TPD52: variants seen among roughly 807,000 people sequenced by gnomAD.
TPD52 encodes tumor protein D52, also known as prostate and colon associated protein.
A neutral mutation model predicts 31.3 loss-of-function variants in TPD52; 17 were observed. The observed-to-expected ratio is 0.54, with a 90% CI of 0.37 to 0.82. The LOEUF (loss-of-function observed/expected upper bound fraction) is 0.82. TPD52 is among the 40% of genes least tolerant of loss of function. The probability of loss-of-function intolerance (pLI) is 0.00; values close to 1 mark genes in which losing one functional copy is unlikely to be tolerated. For synonymous variants in TPD52, 83 were observed against 89.6 expected, an observed-to-expected ratio of 0.93 and a Z score of 0.42; for missense variants, 212 against 240.1, an observed-to-expected ratio of 0.88 and a Z score of 0.77.
intron 1 of TPD52, among the ~76,000 whole-genome samples, chr8:80,136,779 C>T (rs1030697413): frequency 6.6e-6 from 1 of 152,162 alleles, no homozygotes; most frequent in Non-Finnish European, 1.5e-5. Flanking sequence ...TCCCCCTTCA[C>T]CCCAATCATG....
chr8:80,090,011 A>G (rs999852075), intron 1 of TPD52, among the ~76,000 whole-genome samples: 8 of 152,230 alleles, frequency 5.3e-5, no homozygotes, highest in African/African-American at 1.9e-4. Flanking sequence ...CTGAAGTTTT[A>G]GTGAGAGTGA....
chr8:80,079,770 T>G (rs1199478307), intron 1 of TPD52, among the ~76,000 whole-genome samples: 1 of 151,846 alleles, frequency 6.6e-6, no homozygotes, highest in Non-Finnish European at 1.5e-5. Context: ...CTCATACTGG[T>G]AAGTATGAAG....
chr8:80,128,876 C>T (rs541889621), intron 1 of TPD52, among the ~76,000 whole-genome samples: 1 of 151,018 alleles, frequency 6.6e-6, no homozygotes, highest in African/African-American at 2.4e-5. Context: ...ATCATTTTTA[C>T]ATCTGGGTTT....
chr8:80,063,183 A>G (rs1812727952), intron 2 of TPD52, among the ~76,000 whole-genome samples: 1 of 152,252 alleles, frequency 6.6e-6, no homozygotes, highest in Non-Finnish European at 1.5e-5. Flanking sequence ...TAAACAAAAT[A>G]CAATAGATAC....
At chr8:80,138,225 G>C (rs1809575817) in intron 1 of TPD52, among the ~76,000 whole-genome samples, 1 of 152,164 alleles carries the variant, frequency 6.6e-6, no homozygotes, top group African/African-American at 2.4e-5. Flanking sequence ...TAACAGGCAT[G>C]AGCCACCGCG....
intron 1 of TPD52, among the ~76,000 whole-genome samples, chr8:80,113,173 C>G (rs961788565): frequency 1.3e-5 from 2 of 151,916 alleles, no homozygotes; most frequent in African/African-American, 4.8e-5. Context: ...TCTTCTGGCA[C>G]CTTTTCACTA....
intron 1 of TPD52, chr8:80,170,936 G>A (rs867651829): frequency 2.0e-5 from 7 of 347,790 alleles, no homozygotes; most frequent in Non-Finnish European, 1.7e-5. Flanking sequence ...CCCCCCATGG[G>A]TCATACGCCA....
intron 7 of TPD52, among the ~76,000 whole-genome samples, chr8:80,039,901 C>T (rs1198206140): frequency 5.9e-5 from 9 of 152,158 alleles, no homozygotes; most frequent in Non-Finnish European, 1.0e-4. Context: ...CAGCTTTTCA[C>T]ATCAGAACCC....
At chr8:80,043,845 G>A (rs185892924) in intron 6 of TPD52, among the ~76,000 whole-genome samples, 218 of 152,330 alleles carry the variant, frequency 1.4e-3, no homozygotes, top group African/African-American at 4.9e-3. Context: ...TAACTAAAGC[G>A]AATGCAGACA....
intron 1 of TPD52, among the ~76,000 whole-genome samples, chr8:80,156,286 T>C (rs906998559): frequency 6.6e-6 from 1 of 152,188 alleles, no homozygotes; most frequent in African/African-American, 2.4e-5. Flanking sequence ...GCTTCTTACA[T>C]GTTCGCTCAG....
Position 80,035,861 on chromosome 8 carries a change from G to A in TPD52, c.*2255C>T, listed in dbSNP as rs989924536. 1 of 152,178 alleles carries A rather than the reference G, an allele frequency of 6.6e-6. No homozygotes were observed. 9.4% of individuals were successfully genotyped at this position (152,178 alleles called of 1,614,324 possible). A position where few individuals can be genotyped will look rare whatever the true frequency, so the allele number is the denominator to read the frequency against. On this transcript the variant is annotated 3_prime_UTR_variant, in exon 8 of 8. Coordinates refer to ENST00000518937, the MANE Select transcript of TPD52 (RefSeq NM_001025253.3). The stretch of plus-strand genomic sequence containing the variant: ...TCAAACACAAGAGGAACCAGGAACT[G>A]TTTCTGGCATTTCTACTAATTACTA...
chr8:80,140,331 T>C (rs1022275137), intron 1 of TPD52, among the ~76,000 whole-genome samples: 1 of 152,200 alleles, frequency 6.6e-6, no homozygotes, highest in African/African-American at 2.4e-5. Context: ...TACTCCACAG[T>C]TGTCTCCAGA....
intron 1 of TPD52, among the ~76,000 whole-genome samples, chr8:80,101,513 A>C (rs184966084): frequency 5.7e-4 from 87 of 151,990 alleles, no homozygotes; most frequent in African/African-American, 2.0e-3. Flanking sequence ...TTGCATTATT[A>C]AAAAGCAATA....
intron 1 of TPD52, among the ~76,000 whole-genome samples, chr8:80,162,151 A>G (rs1054190730): frequency 2.0e-5 from 3 of 152,178 alleles, no homozygotes; most frequent in Admixed American, 6.5e-5. Context: ...TTTAGTACCA[A>G]TTACAAGTGT....
At chr8:80,109,999 A>G (rs534282695) in intron 1 of TPD52, among the ~76,000 whole-genome samples, 1 of 152,286 alleles carries the variant, frequency 6.6e-6, no homozygotes, top group South Asian at 2.1e-4. Flanking sequence ...TGATGTGTGG[A>G]CCACTCAGGG....
At chr8:80,051,424 G>C (rs1811376469) in intron 4 of TPD52, 103 bp downstream of exon 4, 4 of 1,070,528 alleles carry the variant, frequency 3.7e-6, no homozygotes, top group Non-Finnish European at 5.6e-6. Flanking sequence ...TCTAACAGGA[G>C]TAGCTAGCAT....
chr8:80,114,975 C>G (rs1369172550), intron 1 of TPD52, among the ~76,000 whole-genome samples: 1 of 152,168 alleles, frequency 6.6e-6, no homozygotes, highest in Non-Finnish European at 1.5e-5. Context: ...TAACTGAGGG[C>G]CCTGATGGTC....
chr8:80,042,795 C>T (rs76928495), intron 6 of TPD52, 127 bp from the exon 7 acceptor site: 25,402 of 783,246 alleles, frequency 0.032, 1,143 homozygotes, highest in African/African-American at 0.18. Flanking sequence ...ATAATCTGTA[C>T]CATATATGTG....
At chr8:80,137,721 C>T (rs1169924292) in intron 1 of TPD52, among the ~76,000 whole-genome samples, 1 of 152,126 alleles carries the variant, frequency 6.6e-6, no homozygotes, top group Non-Finnish European at 1.5e-5. Context: ...TACAGCAGTA[C>T]CAAGTTTATA....
Sources: gnomAD v4.1 joint callset for allele counts (sites outside exome capture counted in the v4.1 genomes callset) on GRCh38, gnomAD v4.1.1 for gene constraint, MANE v1.5 for transcripts, NCBI Gene and HGNC (gene_info 2026-07-23, HGNC 2026-07-21) for gene names.